The following TANC1 variants were observed in gnomAD, a reference collection of about 807,000 sequenced individuals.
TANC1 encodes tetratricopeptide repeat, ankyrin repeat and coiled-coil containing 1.
A neutral mutation model predicts 149.7 loss-of-function variants in TANC1; 77 were observed. That is an observed-to-expected ratio of 0.51 (90% CI 0.43 to 0.62). TANC1 has a LOEUF of 0.62. Ranked by LOEUF, TANC1 falls within the 20% of genes least tolerant of loss-of-function variation. The pLI is 0.00. For synonymous variants in TANC1, 854 were observed against 925.0 expected (o/e 0.92, Z 1.39); for missense variants, 1,985 against 2,321.8 (o/e 0.85, Z 2.98).
intron 3 of TANC1, among the ~76,000 whole-genome samples, chr2:159,096,793 C>G (rs371103513): frequency 6.6e-6 from 1 of 152,186 alleles, no homozygotes; most frequent in Non-Finnish European, 1.5e-5. Context: ...AACCAGGGAA[C>G]AGACGTGAAC....
At chr2:159,128,998 G>A (rs929981497) in intron 4 of TANC1, among the ~76,000 whole-genome samples, 2 of 152,052 alleles carry the variant, frequency 1.3e-5, no homozygotes, top group South Asian at 4.1e-4. Flanking sequence ...TCCCACTGTG[G>A]AATGAAAACC....
At chr2:158,986,084 T>G (rs2034972500) in intron 1 of TANC1, among the ~76,000 whole-genome samples, 1 of 152,206 alleles carries the variant, frequency 6.6e-6, no homozygotes, top group Non-Finnish European at 1.5e-5. Context: ...TTTGGTGACG[T>G]GGAACTTTTG....
chr2:159,076,856 C>T (rs1289913397), intron 3 of TANC1, among the ~76,000 whole-genome samples: 3 of 152,112 alleles, frequency 2.0e-5, no homozygotes, highest in Admixed American at 1.3e-4. Context: ...CGGCTGTCTT[C>T]CTTTATTATC....
intron 2 of TANC1, among the ~76,000 whole-genome samples, chr2:159,016,403 G>A (rs2038269225): frequency 6.6e-6 from 1 of 152,114 alleles, no homozygotes; most frequent in African/African-American, 2.4e-5. Flanking sequence ...AGATTTGGGT[G>A]GGGACACAGA....
chr2:159,112,774 G>T (rs887065526), intron 4 of TANC1, among the ~76,000 whole-genome samples: 1 of 151,738 alleles, frequency 6.6e-6, no homozygotes, highest in Non-Finnish European at 1.5e-5. Context: ...TAGAGATAGG[G>T]TTCTGCTGTG....
At chr2:159,224,393 G>C (rs764347379) in intron 23 of TANC1, 29 bp downstream of exon 23, 11 of 1,613,466 alleles carry the variant, frequency 6.8e-6, no homozygotes, top group African/African-American at 1.3e-5. Context: ...CATTGAGCAG[G>C]AGGAGCGGTG....
intron 16 of TANC1, among the ~76,000 whole-genome samples, chr2:159,189,060 T>A (rs1213410880): frequency 1.3e-5 from 2 of 152,214 alleles, no homozygotes; most frequent in Non-Finnish European, 2.9e-5. Context: ...GAGCCTTGGC[T>A]TTCTCACCTA....
At chr2:159,149,885 T>C (rs1234869072) in intron 6 of TANC1, 1 of 167,646 alleles carries the variant, frequency 6.0e-6, no homozygotes, top group Admixed American at 5.7e-5. Context: ...TGATTGAGAC[T>C]GAGTGGTCAC....
At chr2:158,979,649 A>C (rs1307237341) in intron 1 of TANC1, among the ~76,000 whole-genome samples, 1 of 152,172 alleles carries the variant, frequency 6.6e-6, no homozygotes, top group African/African-American at 2.4e-5. Context: ...GTTCTTGGCT[A>C]CTGTAAATCC....
chr2:159,064,579 C>G (rs2042509751), intron 2 of TANC1, among the ~76,000 whole-genome samples: 1 of 152,186 alleles, frequency 6.6e-6, no homozygotes, highest in Non-Finnish European at 1.5e-5. Context: ...TGTTAATTAG[C>G]TTCGTGACCC....
chr2:159,010,891 TTTTC>T (rs1430810782), intron 2 of TANC1, among the ~76,000 whole-genome samples: 1 of 152,166 alleles, frequency 6.6e-6, no homozygotes, highest in Non-Finnish European at 1.5e-5. Flanking sequence ...ATTTTGGTTT[TTTTC>T]TTTCTTTTGG....
At chr2:159,004,712 C>G (rs769336306) in intron 2 of TANC1, among the ~76,000 whole-genome samples, 39 of 152,026 alleles carry the variant, frequency 2.6e-4, no homozygotes, top group Non-Finnish European at 4.0e-4. Context: ...ATAAAAAAAA[C>G]TTTACAAAAC....
intron 4 of TANC1, among the ~76,000 whole-genome samples, chr2:159,133,905 A>G (rs906104892): frequency 7.9e-5 from 12 of 152,252 alleles, no homozygotes; most frequent in African/African-American, 2.4e-4. Flanking sequence ...CTAGTTTAAG[A>G]TGTAGTACAC....
intron 2 of TANC1, among the ~76,000 whole-genome samples, chr2:159,003,389 C>G (rs1014677599): frequency 1.3e-5 from 2 of 152,170 alleles, no homozygotes; most frequent in Non-Finnish European, 2.9e-5. Flanking sequence ...CTTGGAATTA[C>G]CTAACAGGAT....
At chr2:159,229,437 G>A in intron 26 of TANC1, 141 bp from the exon 27 acceptor site, 2 of 701,310 alleles carry the variant, frequency 2.9e-6, no homozygotes, top group East Asian at 5.4e-5. Flanking sequence ...GGCTGGTTAA[G>A]TGGGTCCTGG....
intron 3 of TANC1, among the ~76,000 whole-genome samples, chr2:159,093,271 G>A (rs921410758): frequency 1.3e-5 from 2 of 152,234 alleles, no homozygotes; most frequent in Non-Finnish European, 2.9e-5. Flanking sequence ...ATAGTTAAAA[G>A]AAAACAGTAT....
At chr2:159,041,140 C>G (rs2040597470) in intron 2 of TANC1, among the ~76,000 whole-genome samples, 1 of 152,108 alleles carries the variant, frequency 6.6e-6, no homozygotes, top group Non-Finnish European at 1.5e-5. Flanking sequence ...GCTGCCTGAT[C>G]CTTCTTCTGG....
chr2:159,043,647 A>G (rs2040824668), intron 2 of TANC1, among the ~76,000 whole-genome samples: 1 of 152,194 alleles, frequency 6.6e-6, no homozygotes, highest in South Asian at 2.1e-4. Context: ...GGTGTCTAGC[A>G]CAGTACTTTT....
chr2:159,074,708 G>A lies in TANC1; in HGVS notation c.61+8737G>A, dbSNP rs535643272. Among the ~76,000 whole-genome samples the A allele has an allele frequency of 5.3e-5, 8 of 151,946 alleles. No individual in the cohort carries two copies. In the South Asian group the frequency reaches 1.0e-3, roughly 20 times the overall value. On this transcript the variant is annotated intron_variant, in intron 3 of 26. Coordinates refer to ENST00000263635, the MANE Select transcript of TANC1 (RefSeq NM_033394.3). The stretch of plus-strand genomic sequence containing the variant: ...TTTTGATTTTTGATAGTACATCTTC[G>A]TGTTGTCTTAGTCTGCTTGAGCTGC...
Sources: gnomAD v4.1 joint callset for allele counts (sites outside exome capture counted in the v4.1 genomes callset) on GRCh38, gnomAD v4.1.1 for gene constraint, MANE v1.5 for transcripts, NCBI Gene and HGNC (gene_info 2026-07-23, HGNC 2026-07-21) for gene names.